The following IPO5 variants were observed in gnomAD, a reference collection of about 807,000 sequenced individuals.
IPO5 encodes importin 5, also known as importin-5.
Under a neutral mutation model 143.3 loss-of-function variants are expected in IPO5, and 18 were observed. That is an observed-to-expected ratio of 0.13 (90% confidence interval 0.09 to 0.19). IPO5 has a LOEUF of 0.19. Ranked by LOEUF, IPO5 falls within the 10% of genes least tolerant of loss-of-function variation. The pLI, the probability that IPO5 is intolerant of heterozygous loss-of-function variation, is 1.00. For missense variants in IPO5, 1,013 were observed against 1,336.9 expected (o/e 0.76, Z 3.78); for synonymous variants, 477 against 465.7 (o/e 1.02, Z -0.31).
In IPO5 at chr13:97,976,070, G is replaced by T. The variant is rs532202524; in HGVS notation, c.-4-623G>T. On this transcript the variant is annotated intron_variant, in intron 3 of 28. Coordinates refer to ENST00000651721, the MANE Select transcript of IPO5 (RefSeq NM_002271.6). ...AAGGGCTGGATCCCAGGGAGCGAGG[G>T]ACCAAAGGGGTGGGGCCTGCTCCAG... The T allele has an allele frequency of 2.9e-5, 18 of 612,776 alleles. No homozygotes were observed. The South Asian group carries it at 1.1e-3, about 36-fold the overall frequency. The allele number at this position is 612,776 out of a possible 1,614,324, so 38.0% of individuals were successfully genotyped here.
At position 98,009,943 on chromosome 13, in the gene IPO5, A is replaced by G; in HGVS notation, c.1863A>G (p.Gln621=). ...MCKILGKEFQ[Q]YLPVVMGPLM... ...AAATCCTTGGAAAAGAATTTCAGCAATACCTTCCAGTGGTTATGGGGCCTT... is the reference window on the plus strand; with the variant it reads ...AAATCCTTGGAAAAGAATTTCAGCAGTACCTTCCAGTGGTTATGGGGCCTT... Residue 621 remains glutamine, a synonymous_variant, in exon 19 of 29, where the codon CAA becomes CAG. Transcript: ENST00000651721. 2.5e-6 allele frequency: 4 copies of G among 1,614,090 alleles called. No homozygotes were observed. Among genetic ancestry groups the G allele is most frequent in the Non-Finnish European group, 3.4e-6 (4 of 1,179,948 alleles).
chr13:97,993,781 A>G (rs1887993942), intron 11 of IPO5, among the ~76,000 whole-genome samples: 1 of 152,180 alleles, frequency 6.6e-6, no homozygotes, highest in Non-Finnish European at 1.5e-5. Context: ...TTTCTGGCCT[A>G]GCCATTTCTT....
At chr13:98,009,687 G>A (rs1015807498) in intron 18 of IPO5, among the ~76,000 whole-genome samples, 194 bp from the exon 19 acceptor site, 1 of 152,168 alleles carries the variant, frequency 6.6e-6, no homozygotes, top group African/African-American at 2.4e-5. Context: ...CCATATCCCA[G>A]TGTAGTGAGT....
intron 12 of IPO5, among the ~76,000 whole-genome samples, chr13:97,999,183 G>A (rs1341784645): frequency 6.6e-6 from 1 of 152,004 alleles, no homozygotes; most frequent in Non-Finnish European, 1.5e-5. Context: ...TGAAAGACTT[G>A]GAGTCAGTAT....
intron 11 of IPO5, 90 bp downstream of exon 11, chr13:97,993,315 G>C: frequency 9.0e-7 from 1 of 1,109,084 alleles, no homozygotes; most frequent in Non-Finnish European, 1.3e-6. Context: ...TCAGATTGTT[G>C]AGAATATAAT....
At chr13:98,021,172 A>AT in intron 28 of IPO5, 39 bp downstream of exon 28, 1 of 1,558,892 alleles carries the variant, frequency 6.4e-7, no homozygotes, top group Non-Finnish European at 8.6e-7. Context: ...GGGAGATAAA[A>AT]CCTTTTTTTC....
In IPO5 at chr13:98,018,468, G is replaced by A. The variant is rs760204798; in HGVS notation, c.2617-17G>A. 2.5e-6 allele frequency: 4 copies of A among 1,577,854 alleles called. No homozygotes were observed. The highest frequency in any genetic ancestry group is 3.5e-6 in the Non-Finnish European group (4 of 1,149,228). On this transcript the variant is annotated splice_polypyrimidine_tract_variant and intron_variant, in intron 25 of 28. Transcript: ENST00000651721. ...GTACACCAGTATTTGAAGCTTAAAAGAGAATTTCTTTTGTAGTGTCCACAT... is the reference window on the plus strand; with the variant it reads ...GTACACCAGTATTTGAAGCTTAAAAAAGAATTTCTTTTGTAGTGTCCACAT...
intron 3 of IPO5, among the ~76,000 whole-genome samples, chr13:97,972,640 C>A (rs557621031): frequency 2.7e-4 from 41 of 152,312 alleles, no homozygotes; most frequent in African/African-American, 9.4e-4. Flanking sequence ...AAGGAGCTGG[C>A]CATTCACAAG....
intron 16 of IPO5, among the ~76,000 whole-genome samples, chr13:98,004,221 A>G (rs966362277): frequency 2.6e-5 from 4 of 152,218 alleles, no homozygotes; most frequent in African/African-American, 9.6e-5. Context: ...CTTAATATGA[A>G]CTGGTAGCAA....
chr13:97,970,642 C>T (rs1164715658), intron 3 of IPO5, among the ~76,000 whole-genome samples: 2 of 152,060 alleles, frequency 1.3e-5, no homozygotes, highest in East Asian at 3.9e-4. Context: ...AAAAAGCATA[C>T]CTCAGTTCAA....
intron 12 of IPO5, among the ~76,000 whole-genome samples, chr13:97,999,214 G>C (rs929371082): frequency 6.6e-6 from 1 of 152,096 alleles, no homozygotes; most frequent in Non-Finnish European, 1.5e-5. Context: ...GTTAATAAAA[G>C]TAAAAATTAA....
Position 98,020,967 on chromosome 13 carries a change from C to T in IPO5, c.3066-25C>T, listed in dbSNP as rs773034228. The stretch of plus-strand genomic sequence containing the variant: ...TATTTCTCCTTATAAATTTCACTTA[C>T]TAAGGTTTTCTTCTCATTTGTCAGT... On this transcript the variant is annotated intron_variant, in intron 27 of 28. Coordinates refer to ENST00000651721, the MANE Select transcript of IPO5 (RefSeq NM_002271.6). 17 of 1,579,656 alleles carry T rather than the reference C, an allele frequency of 1.1e-5. 1 individual carries two copies. In the South Asian group the frequency reaches 1.6e-4, roughly 15 times the overall value.
At chr13:97,967,984 C>T (rs1885499047) in intron 2 of IPO5, among the ~76,000 whole-genome samples, 1 of 152,030 alleles carries the variant, frequency 6.6e-6, no homozygotes, top group African/African-American at 2.4e-5. Flanking sequence ...GAAGGGGTCT[C>T]ACTCTGTCTG....
intron 3 of IPO5, among the ~76,000 whole-genome samples, chr13:97,973,133 C>T (rs1885971541): frequency 6.8e-6 from 1 of 147,540 alleles, no homozygotes; most frequent in African/African-American, 2.5e-5. Flanking sequence ...ACCTCCGTCT[C>T]CTGGGTTCAA....
intron 25 of IPO5, among the ~76,000 whole-genome samples, 180 bp downstream of exon 25, chr13:98,017,031 T>C (rs1890161286): frequency 6.6e-6 from 1 of 152,216 alleles, no homozygotes; most frequent in Admixed American, 6.5e-5. Context: ...CATTATATGC[T>C]TGAAGATTCC....
chr13:97,954,934 A>G (rs937511434), intron 2 of IPO5, among the ~76,000 whole-genome samples: 39 of 152,146 alleles, frequency 2.6e-4, no homozygotes, highest in African/African-American at 9.2e-4. Flanking sequence ...AAACCTCCAA[A>G]TGAAAAATAC....
At position 97,993,162 on chromosome 13, in the gene IPO5, G is replaced by A. The variant is rs142950356; in HGVS notation, c.850G>A (p.Val284Ile). 41 of 1,613,792 alleles carry A rather than the reference G, an allele frequency of 2.5e-5. No homozygotes were observed. Among genetic ancestry groups the A allele is most frequent in the East Asian group, 2.0e-4 (9 of 44,874 alleles). The stretch of plus-strand genomic sequence containing the variant: ...ACGCCAGCTTGCCCTTGAAGTGATC[G>A]TCACCCTCTCTGAGACTGCAGCTGC... Reference protein sequence around the residue: ...MQRQLALEVIVTLSETAAAML... With the variant: ...MQRQLALEVIITLSETAAAML... Residue 284 changes from valine to isoleucine, a missense_variant, in exon 11 of 29, where the codon GTC becomes ATC. By Grantham distance (29) the Val-to-Ile change is conservative. Around this residue, in one of 2 missense-constraint regions of IPO5, gnomAD observed 685 missense variants for 994.9 expected, o/e 0.69. Coordinates refer to ENST00000651721, the MANE Select transcript of IPO5 (RefSeq NM_002271.6).
chr13:97,976,759 C>G lies in IPO5; in HGVS notation c.63C>G (p.Pro21=). 2.1e-6 allele frequency: 3 copies of G among 1,413,118 alleles called. No individual in the cohort carries two copies. The highest frequency in any genetic ancestry group is 2.8e-6 in the Non-Finnish European group (3 of 1,058,682). The allele number at this position is 1,413,118 out of a possible 1,614,324, so 87.5% of individuals were successfully genotyped here. Residue 21 remains proline (P), a synonymous_variant, in exon 4 of 29, where the codon CCC becomes CCG. Coordinates refer to ENST00000651721, the MANE Select transcript of IPO5 (RefSeq NM_002271.6). The part of the protein sequence containing the change: ...FYLLLGNLLS[P]DNVVRKQAEE... ...TGCTCCTGGGAAACCTGCTCAGCCCCGACAATGTGGTCCGGAAACAGGCAG... is the reference window on the plus strand; with the variant it reads ...TGCTCCTGGGAAACCTGCTCAGCCCGGACAATGTGGTCCGGAAACAGGCAG...
At chr13:97,971,272 G>A (rs1337494686) in intron 3 of IPO5, among the ~76,000 whole-genome samples, 1 of 152,216 alleles carries the variant, frequency 6.6e-6, no homozygotes, top group Non-Finnish European at 1.5e-5. Flanking sequence ...GGCCTATTGT[G>A]CACAGTGTCC....
Sources: allele counts gnomAD v4.1 joint callset (sites outside exome capture counted in the v4.1 genomes callset), GRCh38; gene constraint gnomAD v4.1.1; regional missense constraint gnomAD v4.1.1; transcripts MANE v1.5; gene names NCBI Gene and HGNC (gene_info 2026-07-23, HGNC 2026-07-21).